The following RAPSN variants were observed in gnomAD, a reference collection of about 807,000 sequenced individuals.
The protein encoded by RAPSN is receptor associated protein of the synapse.
A neutral mutation model predicts 45.7 loss-of-function variants in RAPSN; 33 were observed. The ratio of observed to expected loss-of-function variants is 0.72; its 90% confidence interval spans 0.55 to 0.97. The LOEUF is 0.97. RAPSN is among the 50% of genes least tolerant of loss of function. The pLI is 0.00. For missense variants in RAPSN, 519 were observed against 559.4 expected (o/e 0.93, Z 0.73); for synonymous variants, 244 against 233.6 (o/e 1.04, Z -0.40).
intron 1 of RAPSN, 50 bp downstream of exon 1, chr11:47,448,723 C>A (rs907655008): frequency 1.9e-6 from 3 of 1,596,742 alleles, no homozygotes; most frequent in Non-Finnish European, 2.5e-6. Flanking sequence ...GCCTGGGAGA[C>A]ATCCGGCCCC....
chr11:47,448,289 CT>C, intron 1 of RAPSN, 139 bp from the exon 2 acceptor site: 2 of 914,626 alleles, frequency 2.2e-6, no homozygotes, highest in Non-Finnish European at 3.4e-6. Context: ...CCCAAAGCTT[CT>C]TTTCAGACCC....
At chr11:47,444,307 T>G (rs563611405) in intron 2 of RAPSN, among the ~76,000 whole-genome samples, 1 of 150,488 alleles carries the variant, frequency 6.6e-6, no homozygotes, top group Admixed American at 6.6e-5. Flanking sequence ...GGAAGCTGAG[T>G]TGGGAGAACA....
chr11:47,443,920 ACT>A (rs1373316645), intron 2 of RAPSN, among the ~76,000 whole-genome samples: 1 of 119,684 alleles, frequency 8.4e-6, no homozygotes, highest in Non-Finnish European at 1.7e-5. Context: ...ACAGAGGCAG[ACT>A]CTGTCTCACA....
chr11:47,438,738 T>C lies in RAPSN; in HGVS notation c.1160A>G (p.His387Arg). ...LQALPCSHIF[H>R]LRCLQNNGTR... ...CCCCCCCAGGAGCCCCCACCTGAGG[T>C]GGAAGATGTGGGAGCAAGGTAGGGC... is the stretch of plus-strand genomic sequence containing the variant. The change falls in exon 7 of 8, where the codon CAC becomes CGC. Residue 387 changes from histidine to arginine, a missense_variant. Physicochemically the swap from His to Arg is conservative, Grantham distance 29 (BLOSUM62 0). Coordinates refer to ENST00000298854, the MANE Select transcript of RAPSN (RefSeq NM_005055.5). The C allele has an allele frequency of 6.4e-7, 1 of 1,557,814 alleles. No homozygotes were observed. Among genetic ancestry groups the C allele is most frequent in the Admixed American group, 1.9e-5 (1 of 53,276 alleles).
At position 47,448,870 on chromosome 11, in the gene RAPSN, A is replaced by T. The variant is rs929179688; in HGVS notation, c.95T>A (p.Val32Glu). 4.3e-6 allele frequency: 7 copies of T among 1,614,110 alleles called. No individual in the cohort carries two copies. Among genetic ancestry groups the T allele is most frequent in the Non-Finnish European group, 5.9e-6 (7 of 1,180,014 alleles). The change falls in exon 1 of 8, where the codon GTG becomes GAG. Residue 32 changes from valine to glutamate, a missense_variant. Physicochemically the swap from Val to Glu is moderately radical, Grantham distance 121 (BLOSUM62 -2). Coordinates refer to ENST00000298854, the MANE Select transcript of RAPSN (RefSeq NM_005055.5). ...TEKALQVWTKVLEKSSDLMGR... is the reference protein window; with the variant it reads ...TEKALQVWTKELEKSSDLMGR... ...CATGAGGTCCGAGCTCTTCTCCAGCACCTTTGTCCACACCTGCAATGCCTT... is the reference window on the plus strand; with the variant it reads ...CATGAGGTCCGAGCTCTTCTCCAGCTCCTTTGTCCACACCTGCAATGCCTT...
chr11:47,447,681 G>T lies in RAPSN; in HGVS notation c.531+131C>A. ...GTTACCTTCCTGGATAAGCCTTTTTGCTCTCTGATTCTCACTCTCCTCAGC... is the reference window on the plus strand; with the variant it reads ...GTTACCTTCCTGGATAAGCCTTTTTTCTCTCTGATTCTCACTCTCCTCAGC... On this transcript the variant is annotated intron_variant, in intron 2 of 7. Transcript: ENST00000298854. 7 of 1,094,720 alleles carry T rather than the reference G, an allele frequency of 6.4e-6. No individual in the cohort carries two copies. The Admixed American group carries it at 7.1e-5, about 11-fold the overall frequency. 67.8% of individuals were successfully genotyped at this position (1,094,720 alleles called of 1,614,324 possible).
intron 2 of RAPSN, among the ~76,000 whole-genome samples, chr11:47,446,916 A>G (rs1417370031): frequency 5.3e-5 from 8 of 152,002 alleles, no homozygotes; most frequent in Non-Finnish European, 1.0e-4. Flanking sequence ...TGCCCCCGCC[A>G]AAAAATACCC....
chr11:47,448,809 G>T lies in RAPSN; in HGVS notation c.156C>A (p.Ala52=), dbSNP rs779745547. The part of the protein sequence containing the change: ...RFRVLGCLVT[A]HSEMGRYKEM... Reference sequence around the variant, plus strand: ...CCTTGTAGCGGCCCATCTCCGAGTGGGCTGTGACCAGGCAGCCCAGCACGC... The same window carrying T: ...CCTTGTAGCGGCCCATCTCCGAGTGTGCTGTGACCAGGCAGCCCAGCACGC... The change falls in exon 1 of 8, where the codon GCC becomes GCA. Residue 52 remains alanine, a synonymous_variant. Coordinates refer to ENST00000298854, the MANE Select transcript of RAPSN (RefSeq NM_005055.5). 6.2e-7 allele frequency: 1 copy of T among 1,613,100 alleles called. No individual in the cohort carries two copies. Among genetic ancestry groups the T allele is most frequent in the East Asian group, 2.2e-5 (1 of 44,874 alleles).
chr11:47,443,063 A>C (rs1344356267), intron 2 of RAPSN, among the ~76,000 whole-genome samples: 1 of 152,238 alleles, frequency 6.6e-6, no homozygotes, highest in African/African-American at 2.4e-5. Context: ...AGTTCTTGGC[A>C]CTTGGTAGAT....
intron 5 of RAPSN, 183 bp downstream of exon 5, chr11:47,441,428 T>A: frequency 7.9e-7 from 1 of 1,273,314 alleles, no homozygotes; most frequent in Non-Finnish European, 1.1e-6. Flanking sequence ...CTTTACTAGC[T>A]GTGGGTCCTA....
intron 6 of RAPSN, 116 bp from the exon 7 acceptor site, chr11:47,439,047 C>T (rs1252694472): frequency 8.5e-7 from 1 of 1,172,782 alleles, no homozygotes; most frequent in African/African-American, 1.5e-5. Context: ...AAATGTCCTG[C>T]CCTCTCTGGG....
chr11:47,440,563 C>T (rs1463364696), intron 6 of RAPSN, among the ~76,000 whole-genome samples: 1 of 152,156 alleles, frequency 6.6e-6, no homozygotes, highest in Non-Finnish European at 1.5e-5. Context: ...GCCTGGCCAA[C>T]GCAGTGAATC....
In RAPSN at chr11:47,448,083, A is replaced by G. The variant is rs1188910338; in HGVS notation, c.260T>C (p.Leu87Pro). The G allele has an allele frequency of 6.2e-7, 1 of 1,613,968 alleles. No homozygotes were observed. The highest frequency in any genetic ancestry group is 8.5e-7 in the Non-Finnish European group (1 of 1,179,984). ...CTTCTCGTTGCTGCGTGCCAGGTTC[A>G]GGTAGCTCTCCAGGAGGAAGTCGGC... ...EDADFLLESY[L>P]NLARSNEKLC... Residue 87 changes from leucine to proline, a missense_variant, in exon 2 of 8, where the codon CTG becomes CCG. Leu to Pro is a moderately conservative substitution (Grantham distance 98). Transcript: ENST00000298854.
In RAPSN at chr11:47,447,993, G is replaced by T; in HGVS notation, c.350C>A (p.Ala117Glu). The T allele has an allele frequency of 1.2e-6, 2 of 1,613,906 alleles. No homozygotes were observed. Among genetic ancestry groups the T allele is most frequent in the African/African-American group, 1.3e-5 (1 of 75,012 alleles). ...KTCLGLPGTR[A>E]GAQLGGQVSL... Reference sequence around the variant, plus strand: ...GACCTGGCCTCCGAGCTGGGCACCTGCCCTGGTACCAGGCAGCCCAAGGCA... The same window carrying T: ...GACCTGGCCTCCGAGCTGGGCACCTTCCCTGGTACCAGGCAGCCCAAGGCA... Residue 117 changes from alanine to glutamate, a missense_variant, in exon 2 of 8, where the codon GCA (alanine) becomes GAA (glutamate). By Grantham distance (107) the Ala-to-Glu change is moderately radical. Transcript: ENST00000298854.
Position 47,449,046 on chromosome 11 carries a change from G to T in RAPSN, c.-82C>A. The stretch of plus-strand genomic sequence containing the variant: ...GCACTCATGGGGCAGGAATCACAGT[G>T]CCAGCTGCCCCCCGAAACGTGGGAA... On this transcript the variant is annotated 5_prime_UTR_variant, in exon 1 of 8. Transcript: ENST00000298854. 2 of 1,543,498 alleles carry T rather than the reference G, an allele frequency of 1.3e-6. No homozygotes were observed. The highest frequency in any genetic ancestry group is 1.8e-6 in the Non-Finnish European group (2 of 1,117,778).
chr11:47,438,964 G>C (rs1370911065), intron 6 of RAPSN, 33 bp from the exon 7 acceptor site: 2 of 1,546,782 alleles, frequency 1.3e-6, no homozygotes, highest in Non-Finnish European at 1.7e-6. Flanking sequence ...GCGCCAGTGG[G>C]GGATGAGAAC....
chr11:47,438,328 A>G (rs1170968052), intron 7 of RAPSN, among the ~76,000 whole-genome samples: 1 of 151,982 alleles, frequency 6.6e-6, no homozygotes, highest in Admixed American at 6.6e-5. Flanking sequence ...GTCCGACCTA[A>G]TGACCTTTGA....
At chr11:47,441,296 G>A in intron 5 of RAPSN, 84 bp from the exon 6 acceptor site, 9 of 1,550,552 alleles carry the variant, frequency 5.8e-6, no homozygotes, top group Non-Finnish European at 7.9e-6. Flanking sequence ...AGGGGGGCAG[G>A]CCTAGGGAGG....
At chr11:47,444,764 A>G (rs1277466122) in intron 2 of RAPSN, among the ~76,000 whole-genome samples, 6 of 147,476 alleles carry the variant, frequency 4.1e-5, no homozygotes, top group African/African-American at 1.5e-4. Flanking sequence ...AGGCTGAGGC[A>G]GGAGAATCAC....
Sources: gnomAD v4.1 joint callset for allele counts (sites outside exome capture counted in the v4.1 genomes callset) on GRCh38, gnomAD v4.1.1 for gene constraint, MANE v1.5 for transcripts, NCBI Gene and HGNC (gene_info 2026-07-23, HGNC 2026-07-21) for gene names.